Variants in NUP62 observed in about 807,000 individuals in gnomAD.
NUP62 encodes the protein nucleoporin 62, also known as nuclear pore glycoprotein p62.
For missense variants in NUP62, 647 were observed against 689.4 expected (o/e 0.94, Z 0.69); for synonymous variants, 305 against 303.4 (o/e 1.01, Z -0.05).
chr19:49,919,529 C>A (rs1034114645), intron 2 of NUP62, among the ~76,000 whole-genome samples: 13 of 152,340 alleles, frequency 8.5e-5, no homozygotes, highest in African/African-American at 3.1e-4. Flanking sequence ...ACTTGCTACA[C>A]AGGATGGCCT....
intron 2 of NUP62, among the ~76,000 whole-genome samples, chr19:49,922,123 T>C (rs552428018): frequency 6.6e-6 from 1 of 152,292 alleles, no homozygotes; most frequent in Non-Finnish European, 1.5e-5. Context: ...GTTTCTCAAC[T>C]AACCCCGGCG....
rs370739024 is a variant in NUP62, at chr19:49,921,509, T to C, written c.-78+6185A>G. ...CCCGCCCCAGCTGCAGACGATGGCC[T>C]GAGACGCCTGCAGGGAAGAGAGGGG... On this transcript the variant is annotated intron_variant, in intron 2 of 2. Coordinates refer to ENST00000352066, the MANE Select transcript of NUP62 (RefSeq NM_016553.5). This position sits in a 1 kb window ranked among gnomAD's most constrained non-coding sequence, Gnocchi z 5.4. Among the ~76,000 whole-genome samples the C allele has an allele frequency of 1.3e-4, 20 of 152,314 alleles. No homozygotes were observed. In the East Asian group the frequency reaches 2.7e-3, roughly 21 times the overall value.
At chr19:49,910,576 C>T (rs1769967360) in intron 2 of NUP62, among the ~76,000 whole-genome samples, 1 of 152,176 alleles carries the variant, frequency 6.6e-6, no homozygotes, top group South Asian at 2.1e-4. Flanking sequence ...CTGGGGTTTT[C>T]TCCAGGCTTG....
At chr19:49,927,104 G>A (rs983831427) in intron 2 of NUP62, among the ~76,000 whole-genome samples, 5 of 152,022 alleles carry the variant, frequency 3.3e-5, no homozygotes, top group Admixed American at 1.3e-4. Flanking sequence ...CAAGCAATCT[G>A]CCCACCTCAG....
chr19:49,920,398 C>T (rs889206926), intron 2 of NUP62, among the ~76,000 whole-genome samples: 3 of 152,100 alleles, frequency 2.0e-5, no homozygotes, highest in East Asian at 1.9e-4. Context: ...TTCTTTTTAG[C>T]GTGATGAAAA....
intron 2 of NUP62, among the ~76,000 whole-genome samples, chr19:49,913,698 T>C (rs573138290): frequency 6.6e-6 from 1 of 152,340 alleles, no homozygotes; most frequent in Admixed American, 6.5e-5. Context: ...CATTTCTCCA[T>C]AATAAACCGT....
In NUP62 at chr19:49,909,452, C is replaced by T. The variant is rs377665941; in HGVS notation, c.356G>A (p.Ser119Asn). Residue 119 changes from serine to asparagine, a missense_variant, in exon 3 of 3, where the codon AGC (serine) becomes AAC (asparagine). By Grantham distance (46) the Ser-to-Asn change is conservative. Transcript: ENST00000352066. ...ANPSGFGLGS[S>N]NLTNAISSTV... ...GCTCGATATGGCATTAGTGAGGTTG[C>T]TGCTGCCCAGCCCAAAGCCGCTGGG... 3 of 1,613,970 alleles carry T rather than the reference C, an allele frequency of 1.9e-6. No individual in the cohort carries two copies. The highest frequency in any genetic ancestry group is 2.7e-5 in the African/African-American group (2 of 74,908).
chr19:49,911,193 A>T (rs1156870405), intron 2 of NUP62: 1 of 152,270 alleles, frequency 6.6e-6, no homozygotes. Flanking sequence ...TGAGCCCTAA[A>T]GATGATCAGC....
At chr19:49,926,356 C>T (rs564589100) in intron 2 of NUP62, among the ~76,000 whole-genome samples, 1 of 152,202 alleles carries the variant, frequency 6.6e-6, no homozygotes, top group South Asian at 2.1e-4. Flanking sequence ...ATGGCAAAAC[C>T]CCGTCTCTAC....
chr19:49,923,876 G>A lies in NUP62; in HGVS notation c.-78+3818C>T, dbSNP rs150628088. Among the ~76,000 whole-genome samples the A allele has an allele frequency of 2.1e-4, 32 of 152,350 alleles. No homozygotes were observed. The East Asian group carries it at 5.2e-3, about 25-fold the overall frequency. On this transcript the variant is annotated intron_variant, in intron 2 of 2. Transcript: ENST00000352066. The stretch of plus-strand genomic sequence containing the variant: ...ACCCACGCTGCGGAAGGCAGCCGAG[G>A]CTCGGCAGATGAGGGCCCTGCCTGC...
At chr19:49,917,586 G>A (rs1468672521) in intron 2 of NUP62, 2 of 152,234 alleles carry the variant, frequency 1.3e-5, no homozygotes, top group African/African-American at 2.4e-5. Context: ...TCAGGGTCTG[G>A]GTTATGTTGG....
intron 1 of NUP62, chr19:49,928,303 G>A (rs1455414094): frequency 1.3e-5 from 2 of 152,240 alleles, no homozygotes; most frequent in Non-Finnish European, 2.9e-5. Flanking sequence ...GGATCACGAG[G>A]CCAGGAAATT....
intron 2 of NUP62, among the ~76,000 whole-genome samples, chr19:49,918,995 A>T (rs1010370130): frequency 1.3e-5 from 2 of 151,700 alleles, no homozygotes; most frequent in Non-Finnish European, 2.9e-5. Flanking sequence ...ACAAAAAAAA[A>T]TTACAAAATT....
At chr19:49,926,070 A>G (rs2075879116) in intron 2 of NUP62, among the ~76,000 whole-genome samples, 1 of 151,866 alleles carries the variant, frequency 6.6e-6, no homozygotes, top group Non-Finnish European at 1.5e-5. Flanking sequence ...TTAGCCAGGC[A>G]TGATGGTGCA....
intron 2 of NUP62, among the ~76,000 whole-genome samples, chr19:49,919,642 C>T (rs2075716210): frequency 6.6e-6 from 1 of 152,200 alleles, no homozygotes; most frequent in African/African-American, 2.4e-5. Context: ...CTTTCTCCTT[C>T]CCACTCCCCA....
At position 49,909,309 on chromosome 19, in the gene NUP62, G is replaced by C. The variant is rs751999509; in HGVS notation, c.499C>G (p.Gln167Glu). Reference sequence around the variant, plus strand: ...GAGCCAATGTTGAAACCGGAGGGTTGGGCCGTGCTTCCACCAGTGAATGAG... The same window carrying C: ...GAGCCAATGTTGAAACCGGAGGGTTCGGCCGTGCTTCCACCAGTGAATGAG... ...GFSFTGGSTA[Q>E]PSGFNIGSAG... The change falls in exon 3 of 3, where the codon CAA (glutamine) becomes GAA (glutamate). Residue 167 changes from glutamine to glutamate, a missense_variant. Coordinates refer to ENST00000352066, the MANE Select transcript of NUP62 (RefSeq NM_016553.5). 6.2e-7 allele frequency: 1 copy of C among 1,614,058 alleles called. No individual in the cohort carries two copies. Among genetic ancestry groups the C allele is most frequent in the East Asian group, 2.2e-5 (1 of 44,858 alleles).
At chr19:49,914,378 C>T (rs549810976) in intron 2 of NUP62, among the ~76,000 whole-genome samples, 1 of 152,226 alleles carries the variant, frequency 6.6e-6, no homozygotes, top group Admixed American at 6.5e-5. Context: ...GGCCTGTGCT[C>T]AGGGCTGGGT....
intron 2 of NUP62, among the ~76,000 whole-genome samples, chr19:49,915,430 G>A (rs774805509): frequency 6.6e-5 from 10 of 152,110 alleles, no homozygotes; most frequent in Non-Finnish European, 1.2e-4. Flanking sequence ...AGGCGGCTTC[G>A]GCCTCTAGAG....
chr19:49,909,393 C>T lies in NUP62; in HGVS notation c.415G>A (p.Gly139Ser), dbSNP rs3745489. The change falls in exon 3 of 3, where the codon GGC (glycine) becomes AGC (serine). Residue 139 changes from glycine to serine, a missense_variant. By Grantham distance (56) the Gly-to-Ser change is moderately conservative (BLOSUM62 0). Transcript: ENST00000352066. ...VTSSQGTAPT[G>S]FVFGPSTTSV... ...GTGGTGGAGGGGCCAAACACAAAGCCGGTGGGTGCTGTGCCCTGGCTGGAG... is the reference window on the plus strand; with the variant it reads ...GTGGTGGAGGGGCCAAACACAAAGCTGGTGGGTGCTGTGCCCTGGCTGGAG... 0.011 allele frequency: 17,817 copies of T among 1,613,698 alleles called. 380 individuals are homozygous for T. Among genetic ancestry groups the T allele is most frequent in the East Asian group, 0.1 (4,698 of 44,868 alleles).
Sources: gnomAD v4.1 joint callset for allele counts (sites outside exome capture counted in the v4.1 genomes callset) on GRCh38, gnomAD v4.1.1 for gene constraint, Gnocchi (gnomAD v3.1) non-coding constraint, MANE v1.5 for transcripts, NCBI Gene and HGNC (gene_info 2026-07-23, HGNC 2026-07-21) for gene names.